RBM43: variants seen among roughly 807,000 people sequenced by gnomAD.
RBM43 encodes RNA-binding protein 43.
A neutral mutation model predicts 12.4 loss-of-function variants in RBM43; 12 were observed. That is an observed-to-expected ratio of 0.97 (90% CI 0.62 to 1.57). The LOEUF (loss-of-function observed/expected upper bound fraction) is 1.57, where lower values mean the gene tolerates loss of function less well. RBM43 is among the 40% of genes most tolerant of loss of function. RBM43 has a pLI of 0.00. For synonymous variants in RBM43, 138 were observed against 145.7 expected (o/e 0.95, Z 0.38); for missense variants, 348 against 400.1 (o/e 0.87, Z 1.11).
intron 2 of RBM43, among the ~76,000 whole-genome samples, chr2:151,254,804 A>T (rs999579532): frequency 8.5e-5 from 13 of 152,160 alleles, no homozygotes; most frequent in African/African-American, 2.7e-4. Flanking sequence ...GCCAGTAATA[A>T]GGCAGATACT....
intron 1 of RBM43, among the ~76,000 whole-genome samples, chr2:151,260,113 C>G (rs75383991): frequency 0.028 from 4,265 of 151,452 alleles, 198 homozygotes; most frequent in African/African-American, 0.098. Flanking sequence ...ATCCGCTCCC[C>G]CCTCGGCCTC....
At chr2:151,251,891 G>A (rs4665120) in intron 3 of RBM43, among the ~76,000 whole-genome samples, 1 of 152,022 alleles carries the variant, frequency 6.6e-6, no homozygotes, top group African/African-American at 2.4e-5. Context: ...AAAACAGACA[G>A]GCTCAAATAA....
chr2:151,260,219 G>T (rs541921681), intron 1 of RBM43, among the ~76,000 whole-genome samples: 2 of 151,802 alleles, frequency 1.3e-5, no homozygotes, highest in South Asian at 4.2e-4. Context: ...TCCGCCTCCT[G>T]GGCTCAAGTG....
At chr2:151,252,487 C>T in intron 3 of RBM43, among the ~76,000 whole-genome samples, 1 of 152,160 alleles carries the variant, frequency 6.6e-6, no homozygotes, top group East Asian at 1.9e-4. Flanking sequence ...TATGCCACTG[C>T]CTGGGTGACG....
At position 151,255,670 on chromosome 2, in the gene RBM43, AG is replaced by A; in HGVS notation, c.76del (p.Leu26PhefsTer10). The A allele has an allele frequency of 1.9e-6, 3 of 1,614,028 alleles. No individual in the cohort carries two copies. Among genetic ancestry groups the A allele is most frequent in the South Asian group, 1.1e-5 (1 of 91,080 alleles). Reference protein sequence around the residue: ...TVVVAGLPVDLFSDQLLAVLV... With the variant: ...TVVVAGLPVDXFSDQLLAVLV... ...TACGGCCAATAATTGATCACTAAAAAGGTCAACTGGAAGACCAGCAACTACA... is the reference window on the plus strand; with the variant it reads ...TACGGCCAATAATTGATCACTAAAAAGTCAACTGGAAGACCAGCAACTACA... On this transcript the variant is annotated frameshift_variant, in exon 2 of 4. Transcript: ENST00000331426. LOFTEE classifies it high-confidence loss of function.
rs1682960545 is a variant in RBM43, at chr2:151,255,516, A to C, written c.214+17T>G. ...AAGAAGTATTTCTAAAATTACAAAAATTTGACTTGGAAATACCTTTTTTTT... is the reference window on the plus strand; with the variant it reads ...AAGAAGTATTTCTAAAATTACAAAACTTTGACTTGGAAATACCTTTTTTTT... On this transcript the variant is annotated intron_variant, in intron 2 of 3. Transcript: ENST00000331426. 6.5e-7 allele frequency: 1 copy of C among 1,530,204 alleles called. No homozygotes were observed. The highest frequency in any genetic ancestry group is 1.4e-5 in the African/African-American group (1 of 72,590). The allele number at this position is 1,530,204 out of a possible 1,614,324, so 94.8% of individuals were successfully genotyped here. A position where few individuals can be genotyped will look rare whatever the true frequency, so the allele number is the denominator to read the frequency against.
At position 151,249,138 on chromosome 2, in the gene RBM43, A is replaced by T. The variant is rs1202803084; in HGVS notation, c.*1768T>A. The T allele has an allele frequency of 6.6e-6, 1 of 152,214 alleles. No homozygotes were observed. The highest frequency in any genetic ancestry group is 1.9e-4 in the East Asian group (1 of 5,196). The allele number at this position is 152,214 out of a possible 1,614,324, so 9.4% of individuals were successfully genotyped here. On this transcript the variant is annotated 3_prime_UTR_variant, in exon 4 of 4. Coordinates refer to ENST00000331426, the MANE Select transcript of RBM43 (RefSeq NM_198557.3). Reference sequence around the variant, plus strand: ...TGTAGGGGGTTCAAAGGGCCCCAACATGGGTACCTCATGCCATAACTCCAA... The same window carrying T: ...TGTAGGGGGTTCAAAGGGCCCCAACTTGGGTACCTCATGCCATAACTCCAA...
In RBM43 at chr2:151,250,509, G is replaced by C. The variant is rs1165189182; in HGVS notation, c.*397C>G. On this transcript the variant is annotated 3_prime_UTR_variant, in exon 4 of 4. Transcript: ENST00000331426. ...AGCTACTCCAGAGGTTGAGGCAGGAGAATGGTGTGAACCCAGGAGGTGGAC... is the reference window on the plus strand; with the variant it reads ...AGCTACTCCAGAGGTTGAGGCAGGACAATGGTGTGAACCCAGGAGGTGGAC... 2 of 148,944 alleles carry C rather than the reference G, an allele frequency of 1.3e-5. No homozygotes were observed. The highest frequency in any genetic ancestry group is 2.9e-5 in the Non-Finnish European group (2 of 69,118). 9.2% of individuals were successfully genotyped at this position (148,944 alleles called of 1,614,324 possible).
chr2:151,260,117 C>A (rs1280477201), intron 1 of RBM43, among the ~76,000 whole-genome samples: 2 of 151,140 alleles, frequency 1.3e-5, no homozygotes, highest in Admixed American at 6.6e-5. Context: ...GCTCCCCCCT[C>A]GGCCTCTCGA....
rs1682876865 is a variant in RBM43, at chr2:151,250,206, T to C, written c.*700A>G. ...TGTTAAGAAATTGCCCATGGCATAATAATCACCTTTCAAATTTCTCATATG... is the reference window on the plus strand; with the variant it reads ...TGTTAAGAAATTGCCCATGGCATAACAATCACCTTTCAAATTTCTCATATG... On this transcript the variant is annotated 3_prime_UTR_variant, in exon 4 of 4. Coordinates refer to ENST00000331426, the MANE Select transcript of RBM43 (RefSeq NM_198557.3). 6.9e-6 allele frequency: 1 copy of C among 144,288 alleles called. No individual in the cohort carries two copies. Among genetic ancestry groups the C allele is most frequent in the South Asian group, 2.4e-4 (1 of 4,206 alleles). 8.9% of individuals were successfully genotyped at this position (144,288 alleles called of 1,614,324 possible).
chr2:151,254,724 G>A lies in RBM43; in HGVS notation c.214+809C>T, dbSNP rs535090847. ...CCAACTTCCTCACCATCTAAGTCAGGGATTGGGTGCAGGGAGCAGAATGGC... is the reference window on the plus strand; with the variant it reads ...CCAACTTCCTCACCATCTAAGTCAGAGATTGGGTGCAGGGAGCAGAATGGC... On this transcript the variant is annotated intron_variant, in intron 2 of 3. Transcript: ENST00000331426. Among the ~76,000 whole-genome samples, 3 of 152,202 alleles carry A rather than the reference G, an allele frequency of 2.0e-5. No homozygotes were observed. The South Asian group carries it at 6.2e-4, about 32-fold the overall frequency.
rs529615405 is a variant in RBM43, at chr2:151,258,001, G to A, written c.4-2258C>T. 3.3e-5 allele frequency among the ~76,000 whole-genome samples: 5 copies of A among 152,196 alleles called. No homozygotes were observed. The East Asian group carries it at 7.7e-4, about 24-fold the overall frequency. Reference sequence around the variant, plus strand: ...AGAGAATAGCTTAAACCAGGGAGGCGGATGTTGCAGTGAGCCCAATTGTGC... The same window carrying A: ...AGAGAATAGCTTAAACCAGGGAGGCAGATGTTGCAGTGAGCCCAATTGTGC... On this transcript the variant is annotated intron_variant, in intron 1 of 3. Coordinates refer to ENST00000331426, the MANE Select transcript of RBM43 (RefSeq NM_198557.3).
chr2:151,256,262 C>T (rs1682972811), intron 1 of RBM43, among the ~76,000 whole-genome samples: 1 of 152,026 alleles, frequency 6.6e-6, no homozygotes, highest in Non-Finnish European at 1.5e-5. Context: ...CGCCCAGCCA[C>T]CCTTTTTTTC....
chr2:151,261,844 T>G lies in RBM43; in HGVS notation c.-117A>C. 6.5e-6 allele frequency: 8 copies of G among 1,225,198 alleles called. No homozygotes were observed. Among genetic ancestry groups the G allele is most frequent in the Non-Finnish European group, 9.1e-6 (8 of 874,594 alleles). The allele number at this position is 1,225,198 out of a possible 1,614,324, so 75.9% of individuals were successfully genotyped here. The stretch of plus-strand genomic sequence containing the variant: ...GTTTCGTTTTTTGTTCCAGCTCCCT[T>G]GGAGGCTACGAAGAAAAGGGCGGTC... On this transcript the variant is annotated 5_prime_UTR_variant, in exon 1 of 4. Coordinates refer to ENST00000331426, the MANE Select transcript of RBM43 (RefSeq NM_198557.3).
chr2:151,251,567 C>T lies in RBM43; in HGVS notation c.413G>A (p.Ser138Asn), dbSNP rs1435306811. 2 of 1,614,110 alleles carry T rather than the reference C, an allele frequency of 1.2e-6. No individual in the cohort carries two copies. The highest frequency in any genetic ancestry group is 1.7e-6 in the Non-Finnish European group (2 of 1,180,000). Residue 138 changes from serine (S) to asparagine (N), a missense_variant, in exon 4 of 4, where the codon AGT becomes AAT. Physicochemically the swap from Ser to Asn is conservative, Grantham distance 46. Transcript: ENST00000331426. ...LVKDLKKKIP[S>N]LSFSPLKPNG... Reference sequence around the variant, plus strand: ...GGGTTTCAAAGGACTGAAGCTTAAACTCGGGATTTTTTTTTTCAGGTCTTT... The same window carrying T: ...GGGTTTCAAAGGACTGAAGCTTAAATTCGGGATTTTTTTTTTCAGGTCTTT...
chr2:151,260,933 T>C, intron 1 of RBM43: 1 of 304,972 alleles, frequency 3.3e-6, no homozygotes, highest in South Asian at 3.3e-5. Flanking sequence ...ATAGCAAAAC[T>C]TTACTTTTGT....
chr2:151,256,944 C>A (rs1682983056), intron 1 of RBM43, among the ~76,000 whole-genome samples: 1 of 152,226 alleles, frequency 6.6e-6, no homozygotes, highest in Non-Finnish European at 1.5e-5. Flanking sequence ...ATTGCAGACC[C>A]TGCCACCATG....
intron 1 of RBM43, chr2:151,261,479 C>G (rs1204272903): frequency 3.9e-6 from 6 of 1,550,434 alleles, no homozygotes; most frequent in Non-Finnish European, 5.2e-6. Flanking sequence ...CACCGCCGTA[C>G]GTGAATTTCA....
rs1558867754 is a variant in RBM43, at chr2:151,248,285, A to T, written c.*2621T>A. 1 of 152,142 alleles carries T rather than the reference A, an allele frequency of 6.6e-6. No homozygotes were observed. Among genetic ancestry groups the T allele is most frequent in the Non-Finnish European group, 1.5e-5 (1 of 68,008 alleles). 9.4% of individuals were successfully genotyped at this position (152,142 alleles called of 1,614,324 possible). ...TGTCATTGAAGATAAAAATGCTGCT[A>T]TTCTTTTTTGTATAGGGAGGAAGGT... On this transcript the variant is annotated 3_prime_UTR_variant, in exon 4 of 4. Transcript: ENST00000331426.
Sources: gnomAD v4.1 joint callset for allele counts (sites outside exome capture counted in the v4.1 genomes callset) on GRCh38, gnomAD v4.1.1 for gene constraint, MANE v1.5 for transcripts, NCBI Gene and HGNC (gene_info 2026-07-23, HGNC 2026-07-21) for gene names.